Variants in ZNF423 observed in about 807,000 individuals in gnomAD.
ZNF423 encodes the protein zinc finger protein 423.
In ZNF423, 12 loss-of-function variants were observed where a neutral mutation model predicts 95.8. That is an observed-to-expected ratio of 0.13 (90% CI 0.08 to 0.20). The LOEUF is 0.20. Ranked by LOEUF, ZNF423 falls within the 10% of genes least tolerant of loss-of-function variation. The pLI is 1.00. For synonymous variants in ZNF423, 749 were observed against 711.9 expected, an observed-to-expected ratio of 1.05 and a Z score of -0.83; for missense variants, 1,316 against 1,737.1, an observed-to-expected ratio of 0.76 and a Z score of 4.31.
At chr16:49,621,595 G>A (rs911051622) in intron 5 of ZNF423, among the ~76,000 whole-genome samples, 2 of 152,170 alleles carry the variant, frequency 1.3e-5, no homozygotes, top group African/African-American at 4.8e-5. Flanking sequence ...TTATGAGAAG[G>A]CTGCAGAGCT....
At position 49,693,834 on chromosome 16, in the gene ZNF423, ATGAAC is replaced by A. The variant is rs1301872795; in HGVS notation, c.301+36932_301+36936del. Reference sequence around the variant, plus strand: ...AAGCAGAGACAAGAACACTAGAGAGATGAACTCCTAAGGATCCGGCCAGGCCTGAA... The same window carrying A: ...AAGCAGAGACAAGAACACTAGAGAGATCCTAAGGATCCGGCCAGGCCTGAA... On this transcript the variant is annotated intron_variant, in intron 3 of 7. Transcript: ENST00000563137. Among the ~76,000 whole-genome samples the A allele has an allele frequency of 1.4e-4, 21 of 152,354 alleles. No individual in the cohort carries two copies. The South Asian group carries it at 3.3e-3, about 24-fold the overall frequency.
At chr16:49,731,129 T>C (rs1021942115) in intron 2 of ZNF423, among the ~76,000 whole-genome samples, 158 bp from the exon 3 acceptor site, 1 of 152,210 alleles carries the variant, frequency 6.6e-6, no homozygotes, top group African/African-American at 2.4e-5. Flanking sequence ...TGGGGTTTTT[T>C]TGTAGCATGT....
chr16:49,831,130 T>C (rs1468209675), intron 1 of ZNF423, among the ~76,000 whole-genome samples: 1 of 152,036 alleles, frequency 6.6e-6, no homozygotes, highest in Non-Finnish European at 1.5e-5. Flanking sequence ...GCCAGAGCAG[T>C]GACATGGTCA....
chr16:49,846,595 G>A (rs953952919), intron 1 of ZNF423, among the ~76,000 whole-genome samples: 3 of 152,144 alleles, frequency 2.0e-5, no homozygotes, highest in African/African-American at 4.8e-5. Flanking sequence ...CTGAGAACCC[G>A]TGCACTGCTT....
rs764105642 is a variant in ZNF423, at chr16:49,636,498, A to C, written c.2678T>G (p.Met893Arg). 6.2e-7 allele frequency: 1 copy of C among 1,613,672 alleles called. No homozygotes were observed. Residue 893 changes from methionine (M) to arginine (R), a missense_variant, in exon 4 of 8, where the codon ATG (methionine) becomes AGG (arginine). Met to Arg is a moderately conservative substitution (Grantham distance 91, BLOSUM62 -1). Coordinates refer to ENST00000563137, the MANE Select transcript of ZNF423 (RefSeq NM_001379286.1). The surrounding 1 kb of genome is among the most constrained non-coding windows in gnomAD (Gnocchi z 8.6). ...CGCCCCACAGATGTCACAGCCGTAC[A>C]TGGGCTCCGACGCGTCCACGTCATC... The part of the protein sequence containing the change: ...SEDDVDASEP[M>R]YGCDICGAAY...
intron 1 of ZNF423, among the ~76,000 whole-genome samples, chr16:49,839,425 C>T (rs973852236): frequency 2.6e-5 from 4 of 152,164 alleles, no homozygotes; most frequent in African/African-American, 9.7e-5. Context: ...GAACGTGGTC[C>T]AGTGCCAGGC....
intron 1 of ZNF423, among the ~76,000 whole-genome samples, chr16:49,811,366 G>A (rs921660801): frequency 6.6e-6 from 1 of 152,056 alleles, no homozygotes; most frequent in African/African-American, 2.4e-5. Flanking sequence ...GATCGCAGGG[G>A]AAATAGGTAG....
intron 3 of ZNF423, among the ~76,000 whole-genome samples, chr16:49,660,585 G>A (rs567244546): frequency 1.3e-5 from 2 of 152,298 alleles, no homozygotes; most frequent in East Asian, 1.9e-4. Flanking sequence ...AGCAGAGCCT[G>A]TCCAGCATCA....
upstream of ZNF423, among the ~76,000 whole-genome samples, chr16:49,858,723 C>CA (rs913320926): frequency 1.5e-5 from 2 of 137,136 alleles, no homozygotes; most frequent in African/African-American, 2.7e-5. The surrounding 1 kb of genome is among the most constrained non-coding windows in gnomAD (Gnocchi z 4.3). Flanking sequence ...AGGAGCCCCC[C>CA]CCCCCACGCC....
intron 1 of ZNF423, among the ~76,000 whole-genome samples, chr16:49,790,689 C>T (rs1451662551): frequency 1.3e-5 from 2 of 152,226 alleles, no homozygotes; most frequent in Non-Finnish European, 2.9e-5. Context: ...TGAGTTCTAG[C>T]GCAAGGCACA....
intron 5 of ZNF423, among the ~76,000 whole-genome samples, chr16:49,569,914 G>A (rs1318418676): frequency 6.6e-6 from 1 of 152,188 alleles, no homozygotes; most frequent in Non-Finnish European, 1.5e-5. Context: ...TTACAGAGGA[G>A]GAAATTGATG....
intron 2 of ZNF423, among the ~76,000 whole-genome samples, chr16:49,771,567 T>C (rs1008384890): frequency 3.3e-5 from 5 of 152,152 alleles, no homozygotes; most frequent in Non-Finnish European, 5.9e-5. Flanking sequence ...TTGGAGATAA[T>C]TGAATCATGG....
intron 2 of ZNF423, among the ~76,000 whole-genome samples, chr16:49,739,568 A>G (rs1036572294): frequency 6.6e-6 from 1 of 152,120 alleles, no homozygotes; most frequent in Non-Finnish European, 1.5e-5. Context: ...TCAGCTTACA[A>G]CCCACAAGCC....
intron 3 of ZNF423, among the ~76,000 whole-genome samples, chr16:49,687,831 C>A (rs943115456): frequency 6.6e-6 from 1 of 152,058 alleles, no homozygotes; most frequent in Non-Finnish European, 1.5e-5. Context: ...TTTTTCTCTG[C>A]CCCCCACATG....
At chr16:49,672,138 C>T (rs1046925283) in intron 3 of ZNF423, among the ~76,000 whole-genome samples, 4 of 152,184 alleles carry the variant, frequency 2.6e-5, no homozygotes, top group African/African-American at 9.7e-5. Context: ...CACACTGATA[C>T]TTCTGCAGCA....
chr16:49,668,804 G>T (rs1251415900), intron 3 of ZNF423, among the ~76,000 whole-genome samples: 1 of 152,152 alleles, frequency 6.6e-6, no homozygotes, highest in Non-Finnish European at 1.5e-5. Flanking sequence ...TAAGCACATG[G>T]GCTCGTGTTT....
intron 3 of ZNF423, among the ~76,000 whole-genome samples, chr16:49,685,021 G>T (rs540772010): frequency 6.6e-6 from 1 of 152,298 alleles, no homozygotes; most frequent in East Asian, 1.9e-4. Context: ...GCCCAGCCAG[G>T]CCAGCCAAGA....
At chr16:49,511,798 T>C (rs1008233800) in intron 7 of ZNF423, among the ~76,000 whole-genome samples, 2 of 152,142 alleles carry the variant, frequency 1.3e-5, no homozygotes, top group Admixed American at 1.3e-4. Flanking sequence ...ATGCCACACC[T>C]TATTAGGTTG....
intron 3 of ZNF423, among the ~76,000 whole-genome samples, chr16:49,677,937 C>G (rs2151934148): frequency 6.6e-6 from 1 of 152,218 alleles, no homozygotes; most frequent in South Asian, 2.1e-4. Context: ...AATCCCAACA[C>G]TTTGGGAGGC....
Sources: allele counts gnomAD v4.1 joint callset (sites outside exome capture counted in the v4.1 genomes callset), GRCh38; gene constraint gnomAD v4.1.1; non-coding constraint Gnocchi (gnomAD v3.1); transcripts MANE v1.5; gene names NCBI Gene and HGNC (gene_info 2026-07-23, HGNC 2026-07-21).